Variants in ATXN3 observed in about 807,000 individuals in gnomAD.
ATXN3 encodes ataxin-3.
ATXN3 carries 28 observed loss-of-function variants against 58.2 expected under a neutral mutation model. The ratio of observed to expected loss-of-function variants is 0.48; its 90% CI spans 0.36 to 0.66. The LOEUF is 0.66. Among genes scored for constraint, ATXN3 ranks in the 30% least tolerant of loss-of-function variants. The pLI is 0.00. For synonymous variants in ATXN3, 113 were observed against 138.5 expected (o/e 0.82, Z 1.29); for missense variants, 321 against 422.1 (o/e 0.76, Z 2.10).
chr14:92,094,465 G>A (rs1165599252), intron 3 of ATXN3, among the ~76,000 whole-genome samples: 1 of 152,064 alleles, frequency 6.6e-6, no homozygotes, highest in Non-Finnish European at 1.5e-5. Flanking sequence ...GGCTGCTGTG[G>A]GTGCTACTTT....
intron 6 of ATXN3, among the ~76,000 whole-genome samples, chr14:92,087,841 G>A (rs924393661): frequency 1.3e-5 from 2 of 152,172 alleles, no homozygotes; most frequent in Admixed American, 6.5e-5. Flanking sequence ...AGATTTGACA[G>A]TGGTTATGAT....
rs955988146 is a variant in ATXN3, at chr14:92,059,932, G to C, written c.*4388C>G. On this transcript the variant is annotated 3_prime_UTR_variant, in exon 11 of 11. Coordinates refer to ENST00000644486, the MANE Select transcript of ATXN3 (RefSeq NM_004993.6). ...ACCTTTAAGATGGAGTTTTACTCTT[G>C]TTGCCCAGGCTAGAGTGCAATGGCA... 1 of 150,784 alleles carries C rather than the reference G, an allele frequency of 6.6e-6. No homozygotes were observed. The highest frequency in any genetic ancestry group is 1.5e-5 in the Non-Finnish European group (1 of 67,902). The allele number at this position is 150,784 out of a possible 1,614,324, so 9.3% of individuals were successfully genotyped here.
At chr14:92,074,012 CAAAAAAAAAAAAA>C (rs554711538) in intron 9 of ATXN3, among the ~76,000 whole-genome samples, 2 of 74,804 alleles carry the variant, frequency 2.7e-5, no homozygotes. Flanking sequence ...GACTCCACCT[CAAAAAAAAAAAAA>C]AAAAAAAAAG....
upstream of ATXN3, among the ~76,000 whole-genome samples, chr14:92,053,327 A>C (rs1472753323): frequency 6.6e-6 from 1 of 152,166 alleles, no homozygotes; most frequent in Non-Finnish European, 1.5e-5. Flanking sequence ...ACTTAAGCTA[A>C]GATGCATGGC....
At chr14:92,048,916 G>A (rs2057438501) in intron 1 of ATXN3, among the ~76,000 whole-genome samples, 1 of 152,122 alleles carries the variant, frequency 6.6e-6, no homozygotes, top group South Asian at 2.1e-4. Flanking sequence ...GATTTGGGAT[G>A]AGTCGCACTG....
chr14:92,102,063 GA>G (rs2066941459), intron 1 of ATXN3, among the ~76,000 whole-genome samples: 1 of 151,878 alleles, frequency 6.6e-6, no homozygotes, highest in Non-Finnish European at 1.5e-5. Context: ...TGAGGCAGGA[GA>G]ATCTCTTGAA....
At chr14:92,051,718 C>CCTTTTTTTTTTT, upstream of ATXN3, among the ~76,000 whole-genome samples, 1 of 35,692 alleles carries the variant, frequency 2.8e-5, no homozygotes. Context: ...CTTTTCCTTT[C>CCTTTTTTTTTTT]TTTTTTTTTT....
At chr14:92,048,488 C>T (rs534780506) in intron 1 of ATXN3, among the ~76,000 whole-genome samples, 37 of 152,068 alleles carry the variant, frequency 2.4e-4, no homozygotes, top group African/African-American at 7.7e-4. Flanking sequence ...GGGTCTAGGG[C>T]GGTAAAGTGT....
At chr14:92,106,173 G>A (rs2068301030) in intron 1 of ATXN3, among the ~76,000 whole-genome samples, 2 of 152,172 alleles carry the variant, frequency 1.3e-5, no homozygotes, top group Admixed American at 6.5e-5. Flanking sequence ...CTAGACCCTA[G>A]GGAGAGGGAA....
chr14:92,096,453 T>C (rs2065254156), intron 2 of ATXN3: 3 of 780,762 alleles, frequency 3.8e-6, no homozygotes, highest in Non-Finnish European at 5.9e-6. Context: ...TGAAACCCCA[T>C]CTCTAACAAA....
At chr14:92,073,829 AC>A (rs1369254176) in intron 9 of ATXN3, among the ~76,000 whole-genome samples, 1 of 150,266 alleles carries the variant, frequency 6.7e-6, no homozygotes, top group Non-Finnish European at 1.5e-5. Context: ...ACAGAGTGAG[AC>A]TCTGTCTCAA....
Position 92,064,200 on chromosome 14 carries a change from G to T in ATXN3, c.*120C>A. The T allele has an allele frequency of 1.6e-6, 1 of 610,020 alleles. No homozygotes were observed. The highest frequency in any genetic ancestry group is 2.7e-6 in the Non-Finnish European group (1 of 366,078). 37.8% of individuals were successfully genotyped at this position (610,020 alleles called of 1,614,324 possible). On this transcript the variant is annotated 3_prime_UTR_variant, in exon 11 of 11. Coordinates refer to ENST00000644486, the MANE Select transcript of ATXN3 (RefSeq NM_004993.6). ...GTTCCACTTTCCCATCATTTTGTTTGCAAACCGCTAAAAGTCTTATTTCCT... is the reference window on the plus strand; with the variant it reads ...GTTCCACTTTCCCATCATTTTGTTTTCAAACCGCTAAAAGTCTTATTTCCT...
chr14:92,087,413 T>G (rs139505777), intron 6 of ATXN3, among the ~76,000 whole-genome samples: 2 of 152,346 alleles, frequency 1.3e-5, no homozygotes, highest in East Asian at 3.9e-4. Context: ...ATTATGCTGC[T>G]GCACTCCAGC....
chr14:92,070,730 G>A (rs1253001419), intron 10 of ATXN3: 13 of 1,319,462 alleles, frequency 9.9e-6, no homozygotes, highest in South Asian at 3.2e-5. Context: ...ACAGATGTGA[G>A]CCACCACATC....
At chr14:92,047,811 A>C (rs1012033226) in intron 2 of ATXN3, 8 of 152,250 alleles carry the variant, frequency 5.3e-5, no homozygotes, top group African/African-American at 1.9e-4. Context: ...CACAACAGTT[A>C]TAGGGGCAAA....
chr14:92,093,380 G>A, intron 4 of ATXN3, 62 bp from the exon 5 acceptor site: 1 of 794,984 alleles, frequency 1.3e-6, no homozygotes, highest in South Asian at 1.8e-5. Context: ...GTTGTCTACT[G>A]GCAAATATTA....
chr14:92,102,764 G>A (rs764500514), intron 1 of ATXN3, among the ~76,000 whole-genome samples: 5 of 152,210 alleles, frequency 3.3e-5, no homozygotes, highest in African/African-American at 4.8e-5. Context: ...GGAAACTAGA[G>A]GACAGGGATA....
Position 92,084,831 on chromosome 14 carries a change from C to T in ATXN3, c.476-1573G>A, listed in dbSNP as rs1024293130. Among the ~76,000 whole-genome samples the T allele has an allele frequency of 2.2e-4, 33 of 152,152 alleles. No individual in the cohort carries two copies. The East Asian group carries it at 2.3e-3, about 11-fold the overall frequency. ...CTGACCTCAGGTGATCTGCCCACCT[C>T]GGCCTCCCAAAGTGCTGGGATTACA... On this transcript the variant is annotated intron_variant, in intron 6 of 10. Coordinates refer to ENST00000644486, the MANE Select transcript of ATXN3 (RefSeq NM_004993.6).
chr14:92,071,669 G>T, intron 9 of ATXN3: 1 of 238,480 alleles, frequency 4.2e-6, no homozygotes, highest in Non-Finnish European at 8.5e-6. Context: ...AATGAGTGTT[G>T]GTTTATAGAC....
Sources: gnomAD v4.1 joint callset for allele counts (sites outside exome capture counted in the v4.1 genomes callset) on GRCh38, gnomAD v4.1.1 for gene constraint, MANE v1.5 for transcripts, NCBI Gene and HGNC (gene_info 2026-07-23, HGNC 2026-07-21) for gene names.